Variants in DGKB observed in about 807,000 individuals in gnomAD.
The protein encoded by DGKB is diacylglycerol kinase beta, also known as 90 kDa diacylglycerol kinase.
Under a neutral mutation model 114.3 loss-of-function variants are expected in DGKB, and 67 were observed. The ratio of observed to expected loss-of-function variants is 0.59; its 90% CI spans 0.48 to 0.72. The LOEUF (loss-of-function observed/expected upper bound fraction) is 0.72. Among genes scored for constraint, DGKB ranks in the 30% least tolerant of loss-of-function variants. DGKB has a pLI of 0.00. For missense variants in DGKB, 907 were observed against 975.2 expected, an observed-to-expected ratio of 0.93 and a Z score of 0.93; for synonymous variants, 398 against 323.1, an observed-to-expected ratio of 1.23 and a Z score of -2.49.
At chr7:14,275,492 G>C (rs1268777458) in intron 23 of DGKB, among the ~76,000 whole-genome samples, 1 of 152,022 alleles carries the variant, frequency 6.6e-6, no homozygotes, top group Admixed American at 6.6e-5. Flanking sequence ...AGCTTTTCAT[G>C]CAGACAGAGG....
chr7:14,438,041 A>G (rs1272657484), intron 21 of DGKB, among the ~76,000 whole-genome samples: 1 of 151,994 alleles, frequency 6.6e-6, no homozygotes, highest in Non-Finnish European at 1.5e-5. Flanking sequence ...CTACACTGCT[A>G]TACTGAAGTT....
chr7:14,368,860 A>G (rs1033938948), intron 21 of DGKB, among the ~76,000 whole-genome samples: 1 of 152,128 alleles, frequency 6.6e-6, no homozygotes, highest in Non-Finnish European at 1.5e-5. Context: ...CCCTCAGACC[A>G]TCATGCAGAT....
intron 20 of DGKB, among the ~76,000 whole-genome samples, chr7:14,483,629 C>T (rs10242414): frequency 0.018 from 2,683 of 152,162 alleles, 68 homozygotes; most frequent in African/African-American, 0.059. Context: ...GAAATGTTAC[C>T]TTTGATGGTA....
intron 20 of DGKB, among the ~76,000 whole-genome samples, chr7:14,544,922 T>C (rs1177183607): frequency 6.6e-6 from 1 of 152,064 alleles, no homozygotes. Flanking sequence ...ATGTCAATTT[T>C]CCCCTTTACT....
At chr7:14,778,005 A>C (rs1187346704) in intron 2 of DGKB, among the ~76,000 whole-genome samples, 1 of 152,228 alleles carries the variant, frequency 6.6e-6, no homozygotes, top group African/African-American at 2.4e-5. Context: ...CACATGCTTC[A>C]GTAAAAATGT....
chr7:14,828,725 G>A (rs550470001), intron 2 of DGKB, among the ~76,000 whole-genome samples: 1 of 152,096 alleles, frequency 6.6e-6, no homozygotes, highest in East Asian at 1.9e-4. Context: ...GCAGTCTAAA[G>A]TTTCTGCATT....
At chr7:14,423,176 G>T (rs1404374379) in intron 21 of DGKB, among the ~76,000 whole-genome samples, 1 of 152,044 alleles carries the variant, frequency 6.6e-6, no homozygotes, top group African/African-American at 2.4e-5. Flanking sequence ...TATACGGTAA[G>T]ATAGCTGGAT....
At chr7:14,204,238 T>A (rs529410147) in intron 23 of DGKB, among the ~76,000 whole-genome samples, 2 of 152,154 alleles carry the variant, frequency 1.3e-5, no homozygotes, top group African/African-American at 4.8e-5. Flanking sequence ...TGCTTTTGTT[T>A]ACAAATTTCA....
intron 2 of DGKB, among the ~76,000 whole-genome samples, chr7:14,783,779 G>C (rs10270104): frequency 0.23 from 34,231 of 152,096 alleles, 4,306 homozygotes; most frequent in East Asian, 0.37. Flanking sequence ...TTTCAGATGA[G>C]AGAACAGGCC....
intron 13 of DGKB, among the ~76,000 whole-genome samples, chr7:14,652,684 A>C (rs1468952427): frequency 6.7e-6 from 1 of 149,910 alleles, no homozygotes; most frequent in Non-Finnish European, 1.5e-5. Context: ...TCTGCACAGC[A>C]AAAGAAACTA....
intron 2 of DGKB, among the ~76,000 whole-genome samples, chr7:14,763,660 G>A (rs1836030897): frequency 6.6e-6 from 1 of 152,028 alleles, no homozygotes; most frequent in African/African-American, 2.4e-5. Context: ...AGAATGTACA[G>A]TAGTGATTCA....
At chr7:14,796,825 T>C (rs1841477579) in intron 2 of DGKB, among the ~76,000 whole-genome samples, 1 of 152,198 alleles carries the variant, frequency 6.6e-6, no homozygotes, top group African/African-American at 2.4e-5. Context: ...ATTCCTCTTA[T>C]TAAATAAAGG....
At chr7:14,588,756 T>G (rs1801195513) in intron 17 of DGKB, among the ~76,000 whole-genome samples, 1 of 152,140 alleles carries the variant, frequency 6.6e-6, no homozygotes, top group Non-Finnish European at 1.5e-5. Flanking sequence ...TCTATTGTGT[T>G]TTACTCACGA....
chr7:14,862,115 T>C (rs1238469862), intron 1 of DGKB, among the ~76,000 whole-genome samples: 1 of 152,014 alleles, frequency 6.6e-6, no homozygotes, highest in African/African-American at 2.4e-5. Context: ...TTAATGAACT[T>C]GAGAATCTTA....
chr7:14,452,326 A>C (rs538919342), intron 21 of DGKB, among the ~76,000 whole-genome samples: 1 of 152,238 alleles, frequency 6.6e-6, no homozygotes, highest in East Asian at 1.9e-4. Context: ...ATTACCTAGA[A>C]TCTATTAACA....
At chr7:14,608,867 G>A (rs909692809) in intron 16 of DGKB, among the ~76,000 whole-genome samples, 9 of 151,940 alleles carry the variant, frequency 5.9e-5, no homozygotes, top group Non-Finnish European at 1.2e-4. Flanking sequence ...AAGGAAGGAG[G>A]TGAAAGTGCT....
chr7:14,166,100 A>AC (rs2128229833), intron 25 of DGKB, among the ~76,000 whole-genome samples: 1 of 152,346 alleles, frequency 6.6e-6, no homozygotes, highest in South Asian at 2.1e-4. Flanking sequence ...AAAGTGTCTT[A>AC]TACTAACAGA....
chr7:14,233,032 A>C (rs1456413931), intron 23 of DGKB, among the ~76,000 whole-genome samples: 2 of 152,090 alleles, frequency 1.3e-5, no homozygotes, highest in Non-Finnish European at 2.9e-5. Flanking sequence ...AAGACTATTC[A>C]AGCTTATTAT....
At chr7:14,309,033 T>C (rs1465360202) in intron 23 of DGKB, among the ~76,000 whole-genome samples, 1 of 152,012 alleles carries the variant, frequency 6.6e-6, no homozygotes, top group Non-Finnish European at 1.5e-5. Flanking sequence ...CTCGGCAACA[T>C]GGTAAGGCCT....
Sources: gnomAD v4.1 joint callset for allele counts (sites outside exome capture counted in the v4.1 genomes callset) on GRCh38, gnomAD v4.1.1 for gene constraint, MANE v1.5 for transcripts, NCBI Gene and HGNC (gene_info 2026-07-23, HGNC 2026-07-21) for gene names.